The following LOXHD1 variants were observed in gnomAD, a reference collection of about 807,000 sequenced individuals.
The protein encoded by LOXHD1 is lipoxygenase homology PLAT domains 1, also known as lipoxygenase homology domain-containing protein 1.
In LOXHD1, 205 loss-of-function variants were observed where a neutral mutation model predicts 248.2. That is an observed-to-expected ratio of 0.83 (90% CI 0.74 to 0.93). LOXHD1 has a LOEUF of 0.93. Ranked by LOEUF, LOXHD1 falls within the 40% of genes least tolerant of loss-of-function variation. The pLI is 0.00. For missense variants in LOXHD1, 2,930 were observed against 2,971.6 expected, an observed-to-expected ratio of 0.99 and a Z score of 0.33; for synonymous variants, 1,113 against 1,162.8, an observed-to-expected ratio of 0.96 and a Z score of 0.87.
chr18:46,489,208 A>G, intron 37 of LOXHD1, 66 bp from the exon 38 acceptor site: 2 of 1,501,674 alleles, frequency 1.3e-6, no homozygotes, highest in Admixed American at 3.9e-5. Context: ...AGACTTCTAC[A>G]TCCCCACAAC....
At chr18:46,654,271 G>A (rs1358694050) in intron 1 of LOXHD1, among the ~76,000 whole-genome samples, 1 of 152,234 alleles carries the variant, frequency 6.6e-6, no homozygotes, top group African/African-American at 2.4e-5. Context: ...TGGCATAGCA[G>A]CACCAATGGA....
chr18:46,602,810 T>A (rs946165670), intron 7 of LOXHD1, among the ~76,000 whole-genome samples: 55 of 152,188 alleles, frequency 3.6e-4, no homozygotes, highest in Admixed American at 3.6e-3. Context: ...CGAGCTTTAT[T>A]TCTCTAAGAT....
Position 46,577,827 on chromosome 18 carries a change from A to C in LOXHD1, c.1850T>G (p.Val617Gly). 6.4e-7 allele frequency: 1 copy of C among 1,551,660 alleles called. No homozygotes were observed. The highest frequency in any genetic ancestry group is 8.7e-7 in the Non-Finnish European group (1 of 1,147,002). Residue 617 changes from valine (V) to glycine (G), a missense_variant, in exon 14 of 41, where the codon GTG becomes GGG. Val to Gly is a moderately radical substitution (Grantham distance 109). Coordinates refer to ENST00000642948, the MANE Select transcript of LOXHD1 (RefSeq NM_001384474.1). ...ATCGTGTCTGATCCTCACCCGCCTC[A>C]CATTCCGCATGGTGACAGACTCGAT... ...FTIESVTMRN[V>G]RRVRIRHDGK...
intron 5 of LOXHD1, among the ~76,000 whole-genome samples, chr18:46,615,990 T>C (rs2038581033): frequency 6.6e-6 from 1 of 152,250 alleles, no homozygotes; most frequent in Non-Finnish European, 1.5e-5. Context: ...TGACAGATAT[T>C]AATATAGCTA....
intron 2 of LOXHD1, among the ~76,000 whole-genome samples, chr18:46,646,924 C>T (rs1166456238): frequency 1.3e-5 from 2 of 152,236 alleles, no homozygotes; most frequent in Non-Finnish European, 2.9e-5. Flanking sequence ...CCAGCTCCCT[C>T]CATCACTCCT....
intron 17 of LOXHD1, 53 bp downstream of exon 17, chr18:46,566,204 G>T (rs2037636395): frequency 6.7e-7 from 1 of 1,503,180 alleles, no homozygotes; most frequent in East Asian, 2.5e-5. Context: ...CTTCCCCTCA[G>T]CCCCATCCCC....
intron 10 of LOXHD1, among the ~76,000 whole-genome samples, chr18:46,593,023 A>G (rs2038200649): frequency 6.6e-6 from 1 of 152,208 alleles, no homozygotes; most frequent in Non-Finnish European, 1.5e-5. Flanking sequence ...AGCAGAAAAG[A>G]TAAATATATA....
chr18:46,586,851 T>C (rs972092699), intron 12 of LOXHD1, among the ~76,000 whole-genome samples: 1 of 152,252 alleles, frequency 6.6e-6, no homozygotes, highest in African/African-American at 2.4e-5. Flanking sequence ...GTGAATTCAG[T>C]GTACAAATTA....
At chr18:46,534,245 C>G (rs561287040) in intron 27 of LOXHD1, 90 bp downstream of exon 27, 1 of 825,400 alleles carries the variant, frequency 1.2e-6, no homozygotes, top group Non-Finnish European at 2.0e-6. Flanking sequence ...TAAGGCTGAT[C>G]TAGCCAGTAG....
chr18:46,555,636 A>G (rs1440275241), intron 21 of LOXHD1, among the ~76,000 whole-genome samples: 3 of 152,158 alleles, frequency 2.0e-5, no homozygotes, highest in Non-Finnish European at 2.9e-5. Context: ...GGCCCTCAGC[A>G]GCCCCAAAGC....
chr18:46,614,528 T>C (rs1269153987), intron 5 of LOXHD1, among the ~76,000 whole-genome samples: 3 of 151,974 alleles, frequency 2.0e-5, no homozygotes. Context: ...ATGAGAACAC[T>C]TGGACACAGG....
At chr18:46,495,078 T>C (rs1039499951) in intron 37 of LOXHD1, among the ~76,000 whole-genome samples, 20 of 152,048 alleles carry the variant, frequency 1.3e-4, no homozygotes, top group Non-Finnish European at 1.5e-4. Context: ...GTGGTCTCGA[T>C]CTCCTGACCT....
chr18:46,510,126 T>C (rs1294887169), intron 34 of LOXHD1, among the ~76,000 whole-genome samples: 1 of 152,232 alleles, frequency 6.6e-6, no homozygotes, highest in Non-Finnish European at 1.5e-5. Flanking sequence ...TCCTTACCTG[T>C]GGTCTGGAGA....
intron 37 of LOXHD1, among the ~76,000 whole-genome samples, chr18:46,502,337 G>T (rs1021318200): frequency 6.6e-6 from 1 of 152,174 alleles, no homozygotes; most frequent in Non-Finnish European, 1.5e-5. Context: ...AGAAGGTATG[G>T]GAGCAACAGG....
At chr18:46,636,796 G>A (rs1368305123) in intron 4 of LOXHD1, among the ~76,000 whole-genome samples, 1 of 152,190 alleles carries the variant, frequency 6.6e-6, no homozygotes, top group Admixed American at 6.5e-5. Flanking sequence ...CCAAGTTGAC[G>A]TAATTTCAGG....
chr18:46,580,649 A>G (rs2037943779), intron 12 of LOXHD1, among the ~76,000 whole-genome samples: 1 of 152,256 alleles, frequency 6.6e-6, no homozygotes. Context: ...AGTAGAGAGG[A>G]GCAATGCAAA....
intron 4 of LOXHD1, among the ~76,000 whole-genome samples, chr18:46,619,045 C>T (rs1282270808): frequency 6.6e-6 from 1 of 152,054 alleles, no homozygotes; most frequent in Non-Finnish European, 1.5e-5. Context: ...CCCAGGTCTC[C>T]CCAGCTGGAG....
chr18:46,656,256 A>G (rs959576646), intron 1 of LOXHD1, among the ~76,000 whole-genome samples: 3 of 152,154 alleles, frequency 2.0e-5, no homozygotes, highest in Non-Finnish European at 4.4e-5. Context: ...GCTGGAAAGG[A>G]AAAAAACAAC....
chr18:46,564,788 A>T (rs2144048407), intron 17 of LOXHD1, among the ~76,000 whole-genome samples: 1 of 152,354 alleles, frequency 6.6e-6, no homozygotes, highest in Admixed American at 6.5e-5. Context: ...AAGTGCCATT[A>T]CAAAGCGTGT....
Sources: allele counts gnomAD v4.1 joint callset (sites outside exome capture counted in the v4.1 genomes callset), GRCh38; gene constraint gnomAD v4.1.1; transcripts MANE v1.5; gene names NCBI Gene and HGNC (gene_info 2026-07-23, HGNC 2026-07-21).